WDR27: variants seen among roughly 807,000 people sequenced by gnomAD.
The protein encoded by WDR27 is WD repeat-containing protein 27.
In WDR27, 100 loss-of-function variants were observed where a neutral mutation model predicts 114.4. The observed-to-expected ratio is 0.87, with a 90% CI of 0.74 to 1.03. The LOEUF (loss-of-function observed/expected upper bound fraction) is 1.03, where lower values mean the gene tolerates loss of function less well. WDR27 is among the 50% of genes least tolerant of loss of function. The pLI is 0.00. For missense variants in WDR27, 1,129 were observed against 1,092.9 expected (o/e 1.03, Z -0.47); for synonymous variants, 449 against 423.1 (o/e 1.06, Z -0.75).
the WDR27 span, among the ~76,000 whole-genome samples, chr6:169,451,137 A>C: frequency 6.6e-6 from 1 of 152,148 alleles, no homozygotes; most frequent in African/African-American, 2.4e-5. Flanking sequence ...CACAGATCGG[A>C]ATGCTTCCTC....
At chr6:169,445,777 C>T in the WDR27 span, among the ~76,000 whole-genome samples, 3 of 152,240 alleles carry the variant, frequency 2.0e-5, no homozygotes, top group African/African-American at 7.2e-5. Context: ...GGCAGCACAT[C>T]CCTGCCTGCA....
intron 7 of WDR27, 92 bp from the exon 8 acceptor site, chr6:169,664,378 A>G (rs1474051471): frequency 1.9e-6 from 3 of 1,594,610 alleles, no homozygotes; most frequent in Non-Finnish European, 2.6e-6. Context: ...GAGGGCAGAC[A>G]CGTCACAGGA....
intron 25 of WDR27, among the ~76,000 whole-genome samples, chr6:169,527,176 C>CA (rs947630444): frequency 1.5e-4 from 22 of 151,344 alleles, no homozygotes; most frequent in Admixed American, 5.3e-4. Context: ...TATGTTAACA[C>CA]AAAAAATTGT....
At chr6:169,453,335 G>T (rs1307089425), downstream of WDR27, among the ~76,000 whole-genome samples, 1 of 152,002 alleles carries the variant, frequency 6.6e-6, no homozygotes, top group African/African-American at 2.4e-5. Context: ...ATTTATATTA[G>T]GAATATAAAC....
intron 2 of WDR27, among the ~76,000 whole-genome samples, chr6:169,677,214 A>C (rs1780288684): frequency 6.6e-6 from 1 of 152,242 alleles, no homozygotes; most frequent in South Asian, 2.1e-4. Flanking sequence ...AAACACTGAT[A>C]GTGGTAAAGA....
intron 21 of WDR27, among the ~76,000 whole-genome samples, chr6:169,625,108 G>A (rs138921891): frequency 2.0e-5 from 3 of 152,326 alleles, no homozygotes; most frequent in East Asian, 1.9e-4. Context: ...TGGAGTGTCC[G>A]CGCCAGCAGC....
chr6:169,645,036 T>TAAAAAAAAAAAAAAAAAA (rs369797685), intron 16 of WDR27, among the ~76,000 whole-genome samples: 76 of 76,942 alleles, frequency 9.9e-4, no homozygotes, highest in Non-Finnish European at 1.6e-3. Flanking sequence ...AAAAAAAAAA[T>TAAAAAAAAAAAAAAAAAA]AAAAAAAAAA....
At chr6:169,458,464 C>T (rs1464052674) in intron 25 of WDR27, among the ~76,000 whole-genome samples, 1 of 152,048 alleles carries the variant, frequency 6.6e-6, no homozygotes, top group Non-Finnish European at 1.5e-5. Flanking sequence ...TTCTCTTCCC[C>T]CTATAGGAGC....
At chr6:169,688,670 A>G in intron 2 of WDR27, 147 bp downstream of exon 2, 1 of 359,626 alleles carries the variant, frequency 2.8e-6, no homozygotes, top group Non-Finnish European at 4.8e-6. Context: ...TTAAAAATAA[A>G]AAAATATATA....
chr6:169,634,375 G>A (rs1817164632), intron 20 of WDR27, 53 bp downstream of exon 20: 2 of 1,378,084 alleles, frequency 1.5e-6, no homozygotes, highest in East Asian at 2.4e-5. Flanking sequence ...GCCTCTGCCA[G>A]AGGAACAACA....
chr6:169,634,863 T>C (rs1310544365), intron 19 of WDR27, among the ~76,000 whole-genome samples: 10 of 152,090 alleles, frequency 6.6e-5, no homozygotes. Context: ...TCCCGCTACA[T>C]ATAACTGAAG....
chr6:169,666,370 A>T, intron 6 of WDR27: 1 of 984,024 alleles, frequency 1.0e-6, no homozygotes. Flanking sequence ...CTACCAGGTC[A>T]CCAAAGTATC....
intron 18 of WDR27, among the ~76,000 whole-genome samples, chr6:169,638,322 CAAAAAAAA>C (rs60501000): frequency 0.015 from 161 of 11,038 alleles, 6 homozygotes; most frequent in African/African-American, 0.033. Context: ...GACTCCGTCT[CAAAAAAAA>C]AAAAAAAAAA....
chr6:169,628,894 C>T (rs887381633), intron 21 of WDR27, among the ~76,000 whole-genome samples: 4 of 151,564 alleles, frequency 2.6e-5, no homozygotes, highest in African/African-American at 9.8e-5. Context: ...GCATGTGGAA[C>T]GTAAGAGTTT....
intron 24 of WDR27, among the ~76,000 whole-genome samples, chr6:169,581,429 A>G (rs779197817): frequency 5.3e-5 from 8 of 152,204 alleles, no homozygotes; most frequent in Non-Finnish European, 7.4e-5. Flanking sequence ...ATAAAAGATT[A>G]CAACAACTCA....
intron 25 of WDR27, among the ~76,000 whole-genome samples, chr6:169,480,392 G>A (rs757887764): frequency 3.3e-5 from 5 of 152,184 alleles, no homozygotes; most frequent in South Asian, 4.1e-4. Context: ...TGCAGCACCC[G>A]GTCCTGTCGA....
At chr6:169,567,531 A>T (rs2128123241) in intron 25 of WDR27, among the ~76,000 whole-genome samples, 1 of 152,216 alleles carries the variant, frequency 6.6e-6, no homozygotes, top group Non-Finnish European at 1.5e-5. Context: ...AAAAGATGAG[A>T]ACTTCACACA....
At chr6:169,555,040 G>T (rs1003948394) in intron 25 of WDR27, among the ~76,000 whole-genome samples, 1 of 152,130 alleles carries the variant, frequency 6.6e-6, no homozygotes, top group Non-Finnish European at 1.5e-5. Context: ...AGCATTCACT[G>T]AGCATCTGAT....
chr6:169,656,341 G>A (rs540773898), intron 13 of WDR27, among the ~76,000 whole-genome samples: 126 of 152,304 alleles, frequency 8.3e-4, no homozygotes, highest in African/African-American at 2.9e-3. Flanking sequence ...GGATTCATCC[G>A]AGACATGTGG....
Sources: gnomAD v4.1 joint callset for allele counts (sites outside exome capture counted in the v4.1 genomes callset) on GRCh38, gnomAD v4.1.1 for gene constraint, MANE v1.5 for transcripts, NCBI Gene and HGNC (gene_info 2026-07-23, HGNC 2026-07-21) for gene names.